The following RPS6KA2 variants were observed in gnomAD, a reference collection of about 807,000 sequenced individuals.
The protein encoded by RPS6KA2 is ribosomal protein S6 kinase alpha-2.
A neutral mutation model predicts 91.8 loss-of-function variants in RPS6KA2; 42 were observed. The observed-to-expected ratio is 0.46, with a 90% CI of 0.36 to 0.59. The LOEUF (loss-of-function observed/expected upper bound fraction) is 0.59. Among genes scored for constraint, RPS6KA2 ranks in the 20% least tolerant of loss-of-function variants. RPS6KA2 has a pLI of 0.00. For missense variants in RPS6KA2, 798 were observed against 978.5 expected (o/e 0.82, Z 2.46); for synonymous variants, 414 against 393.6 (o/e 1.05, Z -0.61).
chr6:166,542,123 C>T (rs1427469042), intron 1 of RPS6KA2, among the ~76,000 whole-genome samples: 7 of 152,176 alleles, frequency 4.6e-5, no homozygotes, highest in Non-Finnish European at 8.8e-5. Context: ...TCCATGGACT[C>T]GGCGCGCACT....
chr6:166,431,893 G>A (rs773293883), intron 15 of RPS6KA2, among the ~76,000 whole-genome samples: 7 of 152,204 alleles, frequency 4.6e-5, no homozygotes, highest in Non-Finnish European at 8.8e-5. Context: ...CTCCCAAAGT[G>A]CTGGGATTAC....
intron 16 of RPS6KA2, among the ~76,000 whole-genome samples, chr6:166,425,999 A>AT (rs900210078): frequency 1.3e-5 from 2 of 151,148 alleles, no homozygotes; most frequent in African/African-American, 2.4e-5. Flanking sequence ...CAGAATATAC[A>AT]TTTTTTTCAG....
At chr6:166,539,836 G>C (rs1783598759) in intron 1 of RPS6KA2, among the ~76,000 whole-genome samples, 1 of 152,174 alleles carries the variant, frequency 6.6e-6, no homozygotes, top group Non-Finnish European at 1.5e-5. Flanking sequence ...ACTGTTCCTT[G>C]AATTTATCTC....
intron 2 of RPS6KA2, among the ~76,000 whole-genome samples, chr6:166,686,828 T>C (rs1248066524): frequency 6.6e-6 from 1 of 152,198 alleles, no homozygotes; most frequent in East Asian, 1.9e-4. Flanking sequence ...GCTCTGTGCA[T>C]ACCTGGTGGA....
In RPS6KA2 at chr6:166,563,430, C is replaced by T. The variant is rs1283834982; in HGVS notation, c.100-24646G>A. 2.0e-5 allele frequency among the ~76,000 whole-genome samples: 3 copies of T among 152,200 alleles called. No individual in the cohort carries two copies. Among genetic ancestry groups the T allele is most frequent in the Non-Finnish European group, 4.4e-5 (3 of 68,030 alleles). ...GGATCCCTCTTCCTGCACAGAACCGCCTCTTCCTTCCTCCTGGTGACAGAT... is the reference window on the plus strand; with the variant it reads ...GGATCCCTCTTCCTGCACAGAACCGTCTCTTCCTTCCTCCTGGTGACAGAT... On this transcript the variant is annotated intron_variant, in intron 1 of 20. Coordinates refer to ENST00000265678, the MANE Select transcript of RPS6KA2 (RefSeq NM_021135.6). This position sits in a 1 kb window ranked among gnomAD's most constrained non-coding sequence, Gnocchi z 4.1.
Position 166,730,380 on chromosome 6 carries a change from T to TATA in RPS6KA2, c.123+127819_123+127820insTAT, listed in dbSNP as rs1197009875. 2.6e-5 allele frequency among the ~76,000 whole-genome samples: 4 copies of TATA among 152,172 alleles called. No homozygotes were observed. The East Asian group carries it at 5.8e-4, about 22-fold the overall frequency. ...TAAAAGTTATATAAATTCATAAAAA[T>TATA]ATGTCATCAGTCATAATTTTGATGT... On this transcript the variant is annotated intron_variant, in intron 2 of 21. Coordinates refer to the RPS6KA2 transcript ENST00000503859.
At chr6:166,455,883 G>C (rs1294172990) in intron 12 of RPS6KA2, among the ~76,000 whole-genome samples, 1 of 152,238 alleles carries the variant, frequency 6.6e-6, no homozygotes, top group East Asian at 1.9e-4. Context: ...CAAACCTGGA[G>C]GCACTTTGAT....
At chr6:166,458,946 A>G (rs548624834) in intron 12 of RPS6KA2, among the ~76,000 whole-genome samples, 3 of 152,360 alleles carry the variant, frequency 2.0e-5, no homozygotes, top group African/African-American at 7.2e-5. Flanking sequence ...CTAGACCCCA[A>G]GAGTAATTTC....
chr6:166,453,133 G>A (rs747715209), intron 12 of RPS6KA2, among the ~76,000 whole-genome samples: 16 of 151,980 alleles, frequency 1.1e-4, no homozygotes, highest in Admixed American at 2.6e-4. Context: ...CCCGGGAGGC[G>A]GAGGTTGCAG....
chr6:166,857,197 A>G (rs1189050502), intron 2 of RPS6KA2, among the ~76,000 whole-genome samples: 1 of 152,252 alleles, frequency 6.6e-6, no homozygotes, highest in African/African-American at 2.4e-5. Flanking sequence ...TTCTAAAACC[A>G]GTAATGTTCA....
intron 12 of RPS6KA2, among the ~76,000 whole-genome samples, chr6:166,455,524 G>A (rs969440673): frequency 2.0e-5 from 3 of 152,170 alleles, no homozygotes; most frequent in African/African-American, 7.2e-5. Context: ...ATGCCCACGC[G>A]ACCCCTGGAC....
chr6:166,743,432 T>G (rs1583067429), intron 2 of RPS6KA2, among the ~76,000 whole-genome samples: 1 of 152,226 alleles, frequency 6.6e-6, no homozygotes. Flanking sequence ...TTCAGCGACT[T>G]TAGCCACATC....
At chr6:166,763,207 G>A (rs1778221019) in intron 2 of RPS6KA2, among the ~76,000 whole-genome samples, 1 of 152,164 alleles carries the variant, frequency 6.6e-6, no homozygotes, top group Non-Finnish European at 1.5e-5. Context: ...GCTTAGCATG[G>A]AAAAAGCAAA....
intron 2 of RPS6KA2, among the ~76,000 whole-genome samples, chr6:166,649,655 C>T: frequency 6.6e-6 from 1 of 152,220 alleles, no homozygotes; most frequent in Non-Finnish European, 1.5e-5. Flanking sequence ...GCAACCCCCA[C>T]TCCCAGGGCA....
chr6:166,820,894 G>A (rs1427503647), intron 2 of RPS6KA2, among the ~76,000 whole-genome samples: 1 of 152,134 alleles, frequency 6.6e-6, no homozygotes, highest in East Asian at 1.9e-4. Flanking sequence ...ACACACACTA[G>A]TTTAGGAACA....
intron 2 of RPS6KA2, among the ~76,000 whole-genome samples, chr6:166,851,972 G>A (rs991907333): frequency 2.0e-5 from 3 of 152,062 alleles, no homozygotes; most frequent in Non-Finnish European, 2.9e-5. Context: ...AAAATCATAC[G>A]TTTTTCTTCT....
chr6:166,694,074 C>T (rs1394500343), intron 2 of RPS6KA2, among the ~76,000 whole-genome samples: 4 of 152,212 alleles, frequency 2.6e-5, no homozygotes, highest in African/African-American at 9.6e-5. Context: ...TTTGACAAGA[C>T]GATGGCGAAC....
chr6:166,430,430 G>T (rs1406308955), intron 16 of RPS6KA2, 23 bp downstream of exon 16: 5 of 1,594,314 alleles, frequency 3.1e-6, no homozygotes, highest in Non-Finnish European at 2.6e-6. Flanking sequence ...CTCCCCGAAG[G>T]CTGCCCCAGG....
At chr6:166,512,562 G>A (rs1334008894) in intron 3 of RPS6KA2, among the ~76,000 whole-genome samples, 1 of 152,156 alleles carries the variant, frequency 6.6e-6, no homozygotes, top group Non-Finnish European at 1.5e-5. Flanking sequence ...TAGGATTCAG[G>A]CTGTCTGAAG....
Sources: gnomAD v4.1 joint callset for allele counts (sites outside exome capture counted in the v4.1 genomes callset) on GRCh38, gnomAD v4.1.1 for gene constraint, Gnocchi (gnomAD v3.1) non-coding constraint, MANE v1.5 for transcripts, NCBI Gene and HGNC (gene_info 2026-07-23, HGNC 2026-07-21) for gene names.